SKIC3: variants seen among roughly 807,000 people sequenced by gnomAD.
The protein encoded by SKIC3 is superkiller complex protein 3.
At chr5:95,478,618 CTTT>C in the SKIC3 span, among the ~76,000 whole-genome samples, 22 of 152,098 alleles carry the variant, frequency 1.4e-4, no homozygotes, top group Admixed American at 5.9e-4. Flanking sequence ...ATTGCCAATT[CTTT>C]TAACAACAGC....
chr5:95,497,336 A>C, the SKIC3 span: 1 of 1,228,180 alleles, frequency 8.1e-7, no homozygotes, highest in Non-Finnish European at 1.2e-6. Flanking sequence ...CAGAAGAATA[A>C]TGCCATAGTT....
chr5:95,503,044 C>G, the SKIC3 span: 11 of 1,611,618 alleles, frequency 6.8e-6, no homozygotes, highest in Admixed American at 3.3e-5. Flanking sequence ...AATATAAAAG[C>G]CATCCTGATT....
At chr5:95,520,676 A>G in the SKIC3 span, 1 of 1,506,812 alleles carries the variant, frequency 6.6e-7, no homozygotes, top group Middle Eastern at 2.3e-4. Context: ...TCATTTTAAT[A>G]TTACAAAAAT....
At chr5:95,525,294 T>G in the SKIC3 span, 1 of 1,097,458 alleles carries the variant, frequency 9.1e-7, no homozygotes, top group Non-Finnish European at 1.4e-6. Flanking sequence ...AAAGATCAAA[T>G]TCATGAAAAA....
At chr5:95,511,846 T>A in the SKIC3 span, among the ~76,000 whole-genome samples, 2 of 152,222 alleles carry the variant, frequency 1.3e-5, no homozygotes, top group African/African-American at 4.8e-5. Context: ...AAGGTTTCAG[T>A]CAAGGCTACT....
At chr5:95,540,554 GA>G in the SKIC3 span, 1 of 1,102,954 alleles carries the variant, frequency 9.1e-7, no homozygotes, top group Non-Finnish European at 1.3e-6. Flanking sequence ...AGGTGCAAAT[GA>G]ACACATGAAA....
the SKIC3 span, among the ~76,000 whole-genome samples, chr5:95,506,689 TCTC>T: frequency 6.6e-6 from 1 of 152,312 alleles, no homozygotes; most frequent in African/African-American, 2.4e-5. Flanking sequence ...AGTCACTACC[TCTC>T]TTCCAAATGT....
chr5:95,481,546 CTTTTAG>C, the SKIC3 span, among the ~76,000 whole-genome samples: 1 of 152,038 alleles, frequency 6.6e-6, no homozygotes, highest in Non-Finnish European at 1.5e-5. Flanking sequence ...CAATTTTTCC[CTTTTAG>C]TTTGACAATG....
At chr5:95,537,191 G>C in the SKIC3 span, 2 of 1,464,948 alleles carry the variant, frequency 1.4e-6, no homozygotes, top group South Asian at 2.3e-5. Flanking sequence ...AATGACAAAT[G>C]ATTAAATGTA....
the SKIC3 span, among the ~76,000 whole-genome samples, chr5:95,554,459 ACGT>A: frequency 2.6e-5 from 4 of 152,170 alleles, no homozygotes; most frequent in Non-Finnish European, 5.9e-5. Flanking sequence ...TTCTGAACCT[ACGT>A]CAACTAACTG....
chr5:95,481,858 G>C, the SKIC3 span, among the ~76,000 whole-genome samples: 2 of 152,124 alleles, frequency 1.3e-5, no homozygotes, highest in Non-Finnish European at 2.9e-5. Context: ...GATAATAAGC[G>C]TCTATAAATC....
chr5:95,483,402 C>G, the SKIC3 span, among the ~76,000 whole-genome samples: 2 of 152,094 alleles, frequency 1.3e-5, no homozygotes, highest in African/African-American at 4.8e-5. Flanking sequence ...ATTGCAACAA[C>G]AAACCGACAA....
chr5:95,553,649 T>A, the SKIC3 span, among the ~76,000 whole-genome samples: 1 of 152,138 alleles, frequency 6.6e-6, no homozygotes, highest in South Asian at 2.1e-4. Flanking sequence ...AACCTCCACC[T>A]CCTGGGTTCA....
At chr5:95,495,224 A>C in the SKIC3 span, 1 of 547,894 alleles carries the variant, frequency 1.8e-6, no homozygotes. Context: ...TTCTACTGTG[A>C]CCAACTCTAC....
the SKIC3 span, among the ~76,000 whole-genome samples, chr5:95,502,501 C>G: frequency 2.2e-4 from 34 of 152,142 alleles, no homozygotes; most frequent in East Asian, 3.5e-3. Context: ...TTAAATGAAC[C>G]TTTTAACAGG....
At chr5:95,531,730 G>C in the SKIC3 span, among the ~76,000 whole-genome samples, 1 of 152,112 alleles carries the variant, frequency 6.6e-6, no homozygotes, top group Non-Finnish European at 1.5e-5. Flanking sequence ...TACTGGTCCA[G>C]ATATCATACT....
chr5:95,490,504 A>ATG, the SKIC3 span, among the ~76,000 whole-genome samples: 2,493 of 144,250 alleles, frequency 0.017, 47 homozygotes, highest in African/African-American at 0.046. Context: ...ATATATATAT[A>ATG]TTTTTTTTTT....
At chr5:95,519,864 A>G in the SKIC3 span, among the ~76,000 whole-genome samples, 3 of 152,060 alleles carry the variant, frequency 2.0e-5, no homozygotes, top group Non-Finnish European at 2.9e-5. Context: ...TAGCAGTTCA[A>G]ATAAAGCATG....
the SKIC3 span, among the ~76,000 whole-genome samples, chr5:95,520,190 A>G: frequency 6.6e-6 from 1 of 151,910 alleles, no homozygotes; most frequent in Non-Finnish European, 1.5e-5. Flanking sequence ...ATAAAATGCC[A>G]AATCTACTCA....
Sources: gnomAD v4.1 joint callset for allele counts (sites outside exome capture counted in the v4.1 genomes callset) on GRCh38, gnomAD v4.1.1 for gene constraint, MANE v1.5 for transcripts, NCBI Gene and HGNC (gene_info 2026-07-23, HGNC 2026-07-21) for gene names.